TRAPPC9: variants seen among roughly 807,000 people sequenced by gnomAD.
TRAPPC9 encodes trafficking protein particle complex subunit 9, also known as IKK2 binding protein.
TRAPPC9 carries 83 observed loss-of-function variants against 124.0 expected under a neutral mutation model. The observed-to-expected ratio is 0.67, with a 90% CI of 0.56 to 0.80. The LOEUF (loss-of-function observed/expected upper bound fraction) is 0.80. Ranked by LOEUF, TRAPPC9 falls within the 30% of genes least tolerant of loss-of-function variation. TRAPPC9 has a pLI of 0.00. For missense variants in TRAPPC9, 1,302 were observed against 1,508.3 expected (o/e 0.86, Z 2.27); for synonymous variants, 638 against 617.5 (o/e 1.03, Z -0.49).
At chr8:140,426,141 C>T (rs1267146248) in intron 5 of TRAPPC9, among the ~76,000 whole-genome samples, 2 of 152,114 alleles carry the variant, frequency 1.3e-5, no homozygotes, top group African/African-American at 4.8e-5. Context: ...GAGGTTTTTG[C>T]TGTATTAATT....
chr8:140,014,052 G>A (rs6991377), intron 18 of TRAPPC9, among the ~76,000 whole-genome samples: 3,051 of 152,156 alleles, frequency 0.02, 82 homozygotes, highest in African/African-American at 0.069. Flanking sequence ...GATCTACCAC[G>A]ATAAAACTCC....
intron 21 of TRAPPC9, among the ~76,000 whole-genome samples, chr8:139,871,326 T>C (rs1199986404): frequency 6.6e-6 from 1 of 152,232 alleles, no homozygotes; most frequent in Non-Finnish European, 1.5e-5. Flanking sequence ...AATAACCTGC[T>C]ACTTGCCACT....
At chr8:139,930,365 C>A (rs1480556790) in intron 19 of TRAPPC9, among the ~76,000 whole-genome samples, 2 of 152,204 alleles carry the variant, frequency 1.3e-5, no homozygotes, top group South Asian at 4.1e-4. Flanking sequence ...CGCGCTCACA[C>A]AACACGGTTC....
chr8:140,359,838 G>A (rs977288392), intron 9 of TRAPPC9, among the ~76,000 whole-genome samples: 8 of 152,172 alleles, frequency 5.3e-5, no homozygotes, highest in African/African-American at 1.9e-4. Context: ...AGGAGATGGC[G>A]TGAAGGCGGG....
At chr8:140,200,290 G>A (rs191503866) in intron 17 of TRAPPC9, among the ~76,000 whole-genome samples, 4 of 152,228 alleles carry the variant, frequency 2.6e-5, no homozygotes, top group Non-Finnish European at 4.4e-5. Context: ...AAGGCCAACC[G>A]GGACAAGACC....
At chr8:139,738,423 C>T (rs1371334001) in intron 21 of TRAPPC9, among the ~76,000 whole-genome samples, 1 of 152,194 alleles carries the variant, frequency 6.6e-6, no homozygotes, top group African/African-American at 2.4e-5. Context: ...TGTGATGAAA[C>T]GGAGGTCCTG....
At position 139,907,857 on chromosome 8, in the gene TRAPPC9, T is replaced by C. The variant is rs1831457856; in HGVS notation, c.2964+2290A>G. Among the ~76,000 whole-genome samples, 1 of 152,208 alleles carries C rather than the reference T, an allele frequency of 6.6e-6. No individual in the cohort carries two copies. Among genetic ancestry groups the C allele is most frequent in the African/African-American group, 2.4e-5 (1 of 41,446 alleles). ...TATCATCCCATTAGAAGGCAGCATGTGCTGGGCGGGGACTGCAGGCTGGCA... is the reference window on the plus strand; with the variant it reads ...TATCATCCCATTAGAAGGCAGCATGCGCTGGGCGGGGACTGCAGGCTGGCA... On this transcript the variant is annotated intron_variant, in intron 20 of 22. Coordinates refer to ENST00000438773, the MANE Select transcript of TRAPPC9 (RefSeq NM_001160372.4). This position sits in a 1 kb window ranked among gnomAD's most constrained non-coding sequence, Gnocchi z 4.7.
intron 19 of TRAPPC9, among the ~76,000 whole-genome samples, chr8:139,926,755 G>C (rs921954855): frequency 1.3e-5 from 2 of 152,096 alleles, no homozygotes; most frequent in African/African-American, 2.4e-5. Context: ...CTCCTGAATG[G>C]AGAACAGTAG....
chr8:140,347,088 C>T lies in TRAPPC9; in HGVS notation c.1495+12962G>A, dbSNP rs538689503. On this transcript the variant is annotated intron_variant, in intron 9 of 22. Transcript: ENST00000438773. The stretch of plus-strand genomic sequence containing the variant: ...TGCTCCTCCAGCTCTGGGCCAGGCA[C>T]GCATGTTTAGCACGGCCGCAAAGGG... 6.0e-4 allele frequency among the ~76,000 whole-genome samples: 91 copies of T among 152,332 alleles called. 1 individual carries two copies. Among genetic ancestry groups the T allele is most frequent in the African/African-American group, 1.4e-3 (57 of 41,586 alleles).
At chr8:140,286,634 G>T (rs1298535450) in intron 13 of TRAPPC9, among the ~76,000 whole-genome samples, 1 of 152,174 alleles carries the variant, frequency 6.6e-6, no homozygotes, top group Non-Finnish European at 1.5e-5. Flanking sequence ...AGGGCAAATG[G>T]CTGATGGGAA....
chr8:139,753,114 C>CCCATCTA (rs1420505336), intron 21 of TRAPPC9, among the ~76,000 whole-genome samples: 2 of 146,586 alleles, frequency 1.4e-5, no homozygotes, highest in Non-Finnish European at 3.0e-5. Flanking sequence ...CATCCATTCA[C>CCCATCTA]CCATCTACCA....
intron 15 of TRAPPC9, among the ~76,000 whole-genome samples, chr8:140,261,044 A>G (rs1198965123): frequency 6.6e-6 from 1 of 152,220 alleles, no homozygotes; most frequent in Non-Finnish European, 1.5e-5. Context: ...ATGGGCAGTC[A>G]CATGTCCTCT....
intron 17 of TRAPPC9, among the ~76,000 whole-genome samples, chr8:140,180,179 T>TA (rs1483860778): frequency 2.0e-5 from 3 of 151,846 alleles, no homozygotes; most frequent in East Asian, 3.9e-4. Flanking sequence ...TTGAATTTTT[T>TA]AGGATTCTAT....
intron 17 of TRAPPC9, among the ~76,000 whole-genome samples, chr8:140,210,209 G>A (rs2063024844): frequency 6.6e-6 from 1 of 152,226 alleles, no homozygotes; most frequent in Non-Finnish European, 1.5e-5. Context: ...CCAGGGCCGA[G>A]CCTGCCTCTG....
chr8:140,066,382 C>T (rs1842896710), intron 17 of TRAPPC9, among the ~76,000 whole-genome samples: 3 of 152,210 alleles, frequency 2.0e-5, no homozygotes, highest in Admixed American at 1.3e-4. Flanking sequence ...CGATGGTCAT[C>T]AGATGGCTGT....
chr8:139,903,902 C>A (rs13277682), intron 20 of TRAPPC9, among the ~76,000 whole-genome samples: 23,351 of 151,920 alleles, frequency 0.15, 2,136 homozygotes, highest in African/African-American at 0.24. Flanking sequence ...ATTAGCCAGG[C>A]GTGGTGGCAG....
chr8:140,368,562 G>A (rs2068189445), intron 8 of TRAPPC9, among the ~76,000 whole-genome samples: 1 of 152,160 alleles, frequency 6.6e-6, no homozygotes, highest in Admixed American at 6.5e-5. Context: ...GCTTCACGCA[G>A]GGCCTTAGCT....
At chr8:139,751,508 TC>T (rs1381248857) in intron 21 of TRAPPC9, among the ~76,000 whole-genome samples, 1 of 152,104 alleles carries the variant, frequency 6.6e-6, no homozygotes, top group African/African-American at 2.4e-5. Flanking sequence ...AGGGTGGGAC[TC>T]CCCTGTTTCA....
At chr8:140,341,652 G>A (rs547616920) in intron 9 of TRAPPC9, among the ~76,000 whole-genome samples, 44 of 149,262 alleles carry the variant, frequency 2.9e-4, no homozygotes, top group Non-Finnish European at 5.9e-4. Flanking sequence ...GTTCACAAAT[G>A]TGATAAGCAT....
Sources: gnomAD v4.1 joint callset for allele counts (sites outside exome capture counted in the v4.1 genomes callset) on GRCh38, gnomAD v4.1.1 for gene constraint, Gnocchi (gnomAD v3.1) non-coding constraint, MANE v1.5 for transcripts, NCBI Gene and HGNC (gene_info 2026-07-23, HGNC 2026-07-21) for gene names.